Variants in TNRC6B observed in about 807,000 individuals in gnomAD.
TNRC6B encodes the protein trinucleotide repeat-containing gene 6B protein.
TNRC6B carries 52 observed loss-of-function variants against 203.6 expected under a neutral mutation model. The observed-to-expected ratio is 0.26, with a 90% CI of 0.20 to 0.32. The LOEUF (loss-of-function observed/expected upper bound fraction) is 0.32. Among genes scored for constraint, TNRC6B ranks in the 10% least tolerant of loss-of-function variants. TNRC6B has a pLI of 1.00. For missense variants in TNRC6B, 1,923 were observed against 2,286.2 expected (o/e 0.84, Z 3.24); for synonymous variants, 838 against 845.7 (o/e 0.99, Z 0.16).
chr22:40,220,403 C>T (rs1290051923), intron 1 of TNRC6B, among the ~76,000 whole-genome samples: 2 of 152,232 alleles, frequency 1.3e-5, no homozygotes, highest in East Asian at 3.9e-4. Flanking sequence ...GAGCCCCCTC[C>T]ACATCCCACC....
chr22:40,296,911 G>C (rs1190842932), intron 12 of TNRC6B, among the ~76,000 whole-genome samples: 1 of 152,136 alleles, frequency 6.6e-6, no homozygotes, highest in Admixed American at 6.5e-5. Flanking sequence ...GATTACAGGT[G>C]TCAGCCACCA....
chr22:40,053,176 A>C (rs945936436), intron 1 of TNRC6B, among the ~76,000 whole-genome samples: 4 of 151,280 alleles, frequency 2.6e-5, no homozygotes, highest in East Asian at 1.9e-4. Context: ...AAAAAAAAAA[A>C]AACTATGTTT....
At chr22:40,152,675 G>C (rs1413978542) in intron 3 of TNRC6B, among the ~76,000 whole-genome samples, 1 of 152,090 alleles carries the variant, frequency 6.6e-6, no homozygotes, top group Non-Finnish European at 1.5e-5. Flanking sequence ...GTTTCACCAT[G>C]TTGGCCAGGA....
At chr22:40,308,704 CATCTT>C (rs1223579847) in intron 16 of TNRC6B, 55 bp downstream of exon 16, 7 of 1,547,952 alleles carry the variant, frequency 4.5e-6, no homozygotes, top group African/African-American at 2.8e-5. Context: ...CTTGATGAAA[CATCTT>C]ATAAGACTAT....
intron 1 of TNRC6B, among the ~76,000 whole-genome samples, chr22:40,048,617 C>G (rs971049099): frequency 7.9e-5 from 12 of 151,696 alleles, no homozygotes; most frequent in Non-Finnish European, 1.8e-4. Flanking sequence ...GCAGTCAATC[C>G]TTTTTGACAA....
intron 1 of TNRC6B, among the ~76,000 whole-genome samples, chr22:40,052,739 A>G (rs1366702936): frequency 3.3e-5 from 5 of 151,964 alleles, no homozygotes; most frequent in African/African-American, 9.7e-5. Flanking sequence ...GTGAGCCACC[A>G]TGTCTGGCCT....
intron 2 of TNRC6B, among the ~76,000 whole-genome samples, chr22:40,121,783 G>T (rs1170059964): frequency 6.6e-6 from 1 of 152,214 alleles, no homozygotes; most frequent in African/African-American, 2.4e-5. Flanking sequence ...CCTAGTGTAC[G>T]CAGCCTTGTC....
At chr22:40,274,422 CT>C (rs374621260) in intron 7 of TNRC6B, among the ~76,000 whole-genome samples, 261 of 140,584 alleles carry the variant, frequency 1.9e-3, no homozygotes, top group Middle Eastern at 3.8e-3. Context: ...AATGATATCT[CT>C]TTTTTTTTTT....
intron 3 of TNRC6B, among the ~76,000 whole-genome samples, chr22:40,136,446 T>C (rs1311935397): frequency 6.6e-6 from 1 of 150,724 alleles, no homozygotes; most frequent in East Asian, 2.0e-4. Context: ...TCGCGTAGGC[T>C]GGAGTATAGT....
At chr22:40,093,189 G>A (rs902896848) in intron 1 of TNRC6B, among the ~76,000 whole-genome samples, 1 of 152,146 alleles carries the variant, frequency 6.6e-6, no homozygotes, top group Non-Finnish European at 1.5e-5. Context: ...GCATTTAGTA[G>A]ACAAGTCTAA....
intron 1 of TNRC6B, among the ~76,000 whole-genome samples, chr22:40,189,324 TCTC>T: frequency 6.6e-6 from 1 of 152,270 alleles, no homozygotes; most frequent in East Asian, 1.9e-4. Flanking sequence ...GATTATGTAT[TCTC>T]TTTTGGAAAA....
chr22:40,321,325 T>C, intron 22 of TNRC6B, 96 bp downstream of exon 22: 2 of 1,421,634 alleles, frequency 1.4e-6, no homozygotes, highest in East Asian at 4.7e-5. Flanking sequence ...CACCAGAACA[T>C]ATACGAAGAA....
chr22:40,063,281 TGTCTGTCTTTATG>T (rs1277806824), intron 1 of TNRC6B, among the ~76,000 whole-genome samples: 1 of 152,258 alleles, frequency 6.6e-6, no homozygotes, highest in Non-Finnish European at 1.5e-5. Flanking sequence ...TTGATCTATA[TGTCTGTCTTTATG>T]CCATTACCAC....
chr22:40,146,098 T>A, intron 3 of TNRC6B, among the ~76,000 whole-genome samples: 1 of 151,460 alleles, frequency 6.6e-6, no homozygotes, highest in African/African-American at 2.4e-5. Context: ...GCTTAGGGAG[T>A]AGTAGGAGAA....
chr22:40,083,895 G>C (rs2068081074), intron 1 of TNRC6B, among the ~76,000 whole-genome samples: 1 of 152,078 alleles, frequency 6.6e-6, no homozygotes. Context: ...GGGTTGGGGA[G>C]GAGGGGAAAA....
intron 21 of TNRC6B, among the ~76,000 whole-genome samples, chr22:40,318,360 A>G (rs2071287661): frequency 6.6e-6 from 1 of 152,092 alleles, no homozygotes; most frequent in Non-Finnish European, 1.5e-5. Flanking sequence ...ATCCTGGCTA[A>G]CATGGTGAAA....
chr22:40,311,683 A>G (rs2071185108), intron 17 of TNRC6B, among the ~76,000 whole-genome samples: 1 of 152,050 alleles, frequency 6.6e-6, no homozygotes, highest in Non-Finnish European at 1.5e-5. Flanking sequence ...CTGGGATTAC[A>G]GGCGCCTGCT....
At chr22:40,268,916 AAAT>A (rs150587701) in intron 5 of TNRC6B, among the ~76,000 whole-genome samples, 54 of 148,734 alleles carry the variant, frequency 3.6e-4, no homozygotes, top group South Asian at 6.4e-4. Flanking sequence ...CCGTCTCAAA[AAAT>A]AATAATAATA....
intron 1 of TNRC6B, among the ~76,000 whole-genome samples, chr22:40,198,358 CTTT>C (rs1334855419): frequency 6.6e-6 from 1 of 152,018 alleles, no homozygotes; most frequent in Non-Finnish European, 1.5e-5. Flanking sequence ...TACATTAATT[CTTT>C]TTAATTTTAA....
Sources: allele counts gnomAD v4.1 joint callset (sites outside exome capture counted in the v4.1 genomes callset), GRCh38; gene constraint gnomAD v4.1.1; transcripts MANE v1.5; gene names NCBI Gene and HGNC (gene_info 2026-07-23, HGNC 2026-07-21).